The following FAM168A variants were observed in gnomAD, a reference collection of about 807,000 sequenced individuals.
FAM168A encodes family with sequence similarity 168 member A, also known as protein FAM168A.
In FAM168A, 3 loss-of-function variants were observed where a neutral mutation model predicts 28.5. That is an observed-to-expected ratio of 0.11 (90% CI 0.05 to 0.27). The LOEUF is 0.27. Among genes scored for constraint, FAM168A ranks in the 10% least tolerant of loss-of-function variants. The pLI is 1.00. For synonymous variants in FAM168A, 122 were observed against 124.2 expected, an observed-to-expected ratio of 0.98 and a Z score of 0.12; for missense variants, 222 against 311.5, an observed-to-expected ratio of 0.71 and a Z score of 2.16.
At chr11:73,451,087 C>G (rs1399554349) in intron 2 of FAM168A, among the ~76,000 whole-genome samples, 2 of 152,124 alleles carry the variant, frequency 1.3e-5, no homozygotes, top group African/African-American at 4.8e-5. Flanking sequence ...CTAGATAATT[C>G]TGAGAACCCC....
chr11:73,509,552 A>G (rs559077951), intron 1 of FAM168A, among the ~76,000 whole-genome samples: 1 of 152,202 alleles, frequency 6.6e-6, no homozygotes, highest in Non-Finnish European at 1.5e-5. Flanking sequence ...TGAGATGTCC[A>G]CCACAAAACC....
chr11:73,569,302 A>G (rs551572701), intron 1 of FAM168A, among the ~76,000 whole-genome samples: 2 of 152,294 alleles, frequency 1.3e-5, no homozygotes, highest in East Asian at 3.9e-4. Context: ...CATTATGGAA[A>G]ACACACTGTT....
intron 4 of FAM168A, among the ~76,000 whole-genome samples, chr11:73,414,993 C>CACT (rs1424411643): frequency 6.6e-6 from 1 of 152,226 alleles, no homozygotes; most frequent in Non-Finnish European, 1.5e-5. Flanking sequence ...CTGGATTACC[C>CACT]ACTGTATGCC....
At chr11:73,498,167 A>G (rs1409411918) in intron 1 of FAM168A, among the ~76,000 whole-genome samples, 1 of 151,898 alleles carries the variant, frequency 6.6e-6, no homozygotes, top group Non-Finnish European at 1.5e-5. Flanking sequence ...GCTCCCATCG[A>G]AAAAAAACAT....
intron 2 of FAM168A, among the ~76,000 whole-genome samples, chr11:73,439,877 C>A (rs924468642): frequency 7.3e-6 from 1 of 137,326 alleles, no homozygotes; most frequent in African/African-American, 2.8e-5. Flanking sequence ...TCTCTCAGGT[C>A]ACTTTTTTTT....
chr11:73,533,835 G>C (rs1263572072), intron 1 of FAM168A, among the ~76,000 whole-genome samples: 2 of 152,144 alleles, frequency 1.3e-5, no homozygotes, highest in African/African-American at 2.4e-5. Flanking sequence ...CTTTTGGGGG[G>C]AGTGCTTAAA....
intron 3 of FAM168A, among the ~76,000 whole-genome samples, chr11:73,427,477 G>A (rs1262955942): frequency 3.3e-5 from 5 of 151,874 alleles, no homozygotes; most frequent in Admixed American, 6.6e-5. Flanking sequence ...CCAGTCTAAC[G>A]CCTTAATTTC....
chr11:73,493,300 A>G (rs1383156775), intron 1 of FAM168A, among the ~76,000 whole-genome samples: 1 of 152,234 alleles, frequency 6.6e-6, no homozygotes, highest in East Asian at 1.9e-4. Flanking sequence ...AACGAACTTT[A>G]CAGGTAGCCC....
chr11:73,448,410 A>G (rs1029054773), intron 2 of FAM168A, among the ~76,000 whole-genome samples: 1 of 152,182 alleles, frequency 6.6e-6, no homozygotes, highest in African/African-American at 2.4e-5. Flanking sequence ...CAACCCTTTC[A>G]TGAGGTAGGT....
At chr11:73,416,187 T>G (rs973761254) in intron 4 of FAM168A, among the ~76,000 whole-genome samples, 4 of 152,250 alleles carry the variant, frequency 2.6e-5, no homozygotes, top group Non-Finnish European at 2.9e-5. Context: ...GATGTCCTAT[T>G]CTTTCTCTTA....
At chr11:73,574,468 A>C (rs567763219) in intron 1 of FAM168A, among the ~76,000 whole-genome samples, 18 of 152,316 alleles carry the variant, frequency 1.2e-4, no homozygotes, top group African/African-American at 4.3e-4. Context: ...CCCCTTAAAC[A>C]AATTACCTAG....
Position 73,407,496 on chromosome 11 carries a change from A to T in FAM168A, c.*18+17T>A. 2.6e-6 allele frequency: 4 copies of T among 1,521,328 alleles called. No homozygotes were observed. The highest frequency in any genetic ancestry group is 3.5e-6 in the Non-Finnish European group (4 of 1,135,910). 94.2% of individuals were successfully genotyped at this position (1,521,328 alleles called of 1,614,324 possible). A position where few individuals can be genotyped will look rare whatever the true frequency, so the allele number is the denominator to read the frequency against. Reference sequence around the variant, plus strand: ...TATGTATCCCCCTCCCACTTCTCTCACCCTGGCCACACTCACTTGGATGGG... The same window carrying T: ...TATGTATCCCCCTCCCACTTCTCTCTCCCTGGCCACACTCACTTGGATGGG... On this transcript the variant is annotated intron_variant, in intron 7 of 7. Coordinates refer to ENST00000356467, the MANE Select transcript of FAM168A (RefSeq NM_015159.3).
chr11:73,575,382 A>G (rs2134727059), intron 1 of FAM168A, among the ~76,000 whole-genome samples: 1 of 152,340 alleles, frequency 6.6e-6, no homozygotes, highest in East Asian at 1.9e-4. Flanking sequence ...CTGCTGTAAT[A>G]TCTAACAGTT....
intron 1 of FAM168A, among the ~76,000 whole-genome samples, chr11:73,585,871 C>CA (rs11358691): frequency 1.8e-3 from 145 of 81,586 alleles, no homozygotes; most frequent in East Asian, 3.2e-3. Flanking sequence ...CCATCTCAAA[C>CA]AAAAAAAAAA....
intron 3 of FAM168A, among the ~76,000 whole-genome samples, chr11:73,420,710 G>C (rs1866776556): frequency 6.6e-6 from 1 of 152,248 alleles, no homozygotes; most frequent in African/African-American, 2.4e-5. Flanking sequence ...TCATGAATTA[G>C]AGGTGGTCCT....
chr11:73,568,456 T>C lies in FAM168A; in HGVS notation c.-19+29467A>G, dbSNP rs149255217. ...AGGAATTCTTAAATATTTTGCACTA[T>C]AATAATACACAAAAATAATGCAGGG... On this transcript the variant is annotated intron_variant, in intron 1 of 7. Coordinates refer to ENST00000356467, the MANE Select transcript of FAM168A (RefSeq NM_015159.3). Among the ~76,000 whole-genome samples the C allele has an allele frequency of 8.9e-4, 136 of 152,308 alleles. 3 individuals are homozygous for C. The East Asian group carries it at 0.024, about 27-fold the overall frequency.
chr11:73,536,434 T>C (rs1407889067), intron 1 of FAM168A, among the ~76,000 whole-genome samples: 1 of 152,164 alleles, frequency 6.6e-6, no homozygotes, highest in Non-Finnish European at 1.5e-5. Flanking sequence ...ACGCCTGTAA[T>C]CCCAGCACTG....
At chr11:73,449,593 G>C (rs559892993) in intron 2 of FAM168A, among the ~76,000 whole-genome samples, 20 of 152,338 alleles carry the variant, frequency 1.3e-4, no homozygotes, top group African/African-American at 4.6e-4. Context: ...CCTCTTGTCT[G>C]CATTTCAATT....
At chr11:73,585,439 A>G (rs1165602088) in intron 1 of FAM168A, among the ~76,000 whole-genome samples, 1 of 152,250 alleles carries the variant, frequency 6.6e-6, no homozygotes, top group Non-Finnish European at 1.5e-5. Flanking sequence ...CTATTAAGAG[A>G]GTAAGCCAGA....
Sources: allele counts gnomAD v4.1 joint callset (sites outside exome capture counted in the v4.1 genomes callset), GRCh38; gene constraint gnomAD v4.1.1; transcripts MANE v1.5; gene names NCBI Gene and HGNC (gene_info 2026-07-23, HGNC 2026-07-21).